Variants in FAF1 observed in about 807,000 individuals in gnomAD.
FAF1 encodes the protein Fas associated factor 1, also known as FAS-associated factor 1.
Under a neutral mutation model 92.5 loss-of-function variants are expected in FAF1, and 25 were observed. That is an observed-to-expected ratio of 0.27 (90% CI 0.20 to 0.38). The LOEUF is 0.38. Among genes scored for constraint, FAF1 ranks in the 10% least tolerant of loss-of-function variants. The pLI, the probability that FAF1 is intolerant of heterozygous loss-of-function variation, is 1.00. For synonymous variants in FAF1, 234 were observed against 273.2 expected, an observed-to-expected ratio of 0.86 and a Z score of 1.42; for missense variants, 636 against 793.3, an observed-to-expected ratio of 0.80 and a Z score of 2.38.
At chr1:50,678,729 G>T (rs538176691) in intron 7 of FAF1, among the ~76,000 whole-genome samples, 1 of 129,340 alleles carries the variant, frequency 7.7e-6, no homozygotes, top group Non-Finnish European at 1.5e-5. Context: ...GCAGTGAACC[G>T]AGACTGTGCC....
At chr1:50,883,436 G>A (rs772088670) in intron 1 of FAF1, among the ~76,000 whole-genome samples, 3 of 152,068 alleles carry the variant, frequency 2.0e-5, no homozygotes, top group Non-Finnish European at 4.4e-5. Flanking sequence ...AAGCCTTCTG[G>A]TATACGATAT....
intron 1 of FAF1, among the ~76,000 whole-genome samples, chr1:50,958,655 G>A (rs562298217): frequency 6.6e-6 from 1 of 151,152 alleles, no homozygotes; most frequent in South Asian, 2.1e-4. Context: ...TCCAGCCTGG[G>A]CGACAGAGCG....
In FAF1 at chr1:50,441,488, C is replaced by A; in HGVS notation, c.1905G>T (p.Glu635Asp). The stretch of plus-strand genomic sequence containing the variant: ...GGGTTTCTTGAGGGAACAACTTTAC[C>A]TCCAATAATGATTTATTTGGGTCCA... ...TQLDPNKSLL[E>D]VKLFPQETLF... Residue 635 changes from glutamate (E) to aspartate (D), a missense_variant, in exon 19 of 19, where the codon GAG becomes GAT. Physicochemically the swap from Glu to Asp is conservative, Grantham distance 45. Coordinates refer to ENST00000396153, the MANE Select transcript of FAF1 (RefSeq NM_007051.3). 6.5e-7 allele frequency: 1 copy of A among 1,546,040 alleles called. No individual in the cohort carries two copies. Among genetic ancestry groups the A allele is most frequent in the Non-Finnish European group, 8.8e-7 (1 of 1,142,650 alleles).
At chr1:50,746,278 ATATATATATATATATTTTTTTTTTTT>A (rs1386082126) in intron 4 of FAF1, among the ~76,000 whole-genome samples, 769 of 19,840 alleles carry the variant, frequency 0.039, 3 homozygotes, top group Non-Finnish European at 0.052. Context: ...ATATATATAT[ATATATATATATATATTTTTTTTTTTT>A]TTTTTTTTTT....
At chr1:50,946,499 T>C (rs192703237) in intron 1 of FAF1, among the ~76,000 whole-genome samples, 1 of 152,262 alleles carries the variant, frequency 6.6e-6, no homozygotes, top group Admixed American at 6.5e-5. Context: ...TCCCTCAAAT[T>C]CTGTTAACCA....
At chr1:50,529,688 G>A (rs562737642) in intron 15 of FAF1, among the ~76,000 whole-genome samples, 4 of 152,224 alleles carry the variant, frequency 2.6e-5, no homozygotes, top group Admixed American at 2.6e-4. Context: ...TGTAGCTTGA[G>A]AACATGTCTG....
chr1:50,863,423 C>A (rs1644452326), intron 1 of FAF1, among the ~76,000 whole-genome samples: 1 of 151,602 alleles, frequency 6.6e-6, no homozygotes, highest in Non-Finnish European at 1.5e-5. Flanking sequence ...TCAAAGAGCA[C>A]AAATAGACAA....
At chr1:50,812,703 C>A (rs964483067) in intron 2 of FAF1, among the ~76,000 whole-genome samples, 1 of 152,200 alleles carries the variant, frequency 6.6e-6, no homozygotes. Context: ...TACCATTCGA[C>A]CCCACCATCA....
At chr1:50,457,931 C>T (rs1258494697) in intron 18 of FAF1, among the ~76,000 whole-genome samples, 7 of 148,738 alleles carry the variant, frequency 4.7e-5, no homozygotes, top group Admixed American at 3.4e-4. Context: ...AAAAGGTTAT[C>T]GACCGGGCGC....
chr1:50,535,336 T>A, intron 15 of FAF1, 33 bp downstream of exon 15: 1 of 1,375,130 alleles, frequency 7.3e-7, no homozygotes, highest in Non-Finnish European at 1.0e-6. Context: ...TAAAATCTCA[T>A]CAAAATCCTA....
intron 6 of FAF1, among the ~76,000 whole-genome samples, chr1:50,724,057 C>G (rs1216375961): frequency 1.3e-5 from 2 of 151,946 alleles, no homozygotes; most frequent in Admixed American, 6.6e-5. Context: ...CACAAAACCC[C>G]ATCTCTACAG....
chr1:50,696,854 T>C (rs1273431126), intron 7 of FAF1, among the ~76,000 whole-genome samples: 1 of 152,192 alleles, frequency 6.6e-6, no homozygotes, highest in Non-Finnish European at 1.5e-5. Context: ...TAGCTGTAAG[T>C]AGATGTAAAG....
At chr1:50,733,355 C>T (rs929674787) in intron 6 of FAF1, among the ~76,000 whole-genome samples, 3 of 152,310 alleles carry the variant, frequency 2.0e-5, no homozygotes, top group Middle Eastern at 3.4e-3. Context: ...TATTATTACA[C>T]CTTTCCTACT....
intron 8 of FAF1, among the ~76,000 whole-genome samples, chr1:50,597,977 G>A (rs74493426): frequency 0.03 from 4,626 of 152,092 alleles, 250 homozygotes; most frequent in African/African-American, 0.11. Context: ...CTATTCACTC[G>A]AATCAATATT....
rs150035565 is a variant in FAF1, at chr1:50,622,585, A to G, written c.745-26369T>C. Among the ~76,000 whole-genome samples, 609 of 152,354 alleles carry G rather than the reference A, an allele frequency of 4.0e-3. 2 individuals carry two copies. The highest frequency in any genetic ancestry group is 6.5e-3 in the Non-Finnish European group (444 of 68,028). ...AATTGTCATCCAGGAATCTAATATT[A>G]CTTGAAATTTACCTGTTTTTAATTG... On this transcript the variant is annotated intron_variant, in intron 8 of 18. Transcript: ENST00000396153.
rs531091586 is a variant in FAF1, at chr1:50,543,253, T to G, written c.1269-3525A>C. On this transcript the variant is annotated intron_variant, in intron 13 of 18. Coordinates refer to ENST00000396153, the MANE Select transcript of FAF1 (RefSeq NM_007051.3). Reference sequence around the variant, plus strand: ...GTCACTGGCTTTCACCAAGCTATACTCTAACATAAAATATATATTAAATGG... The same window carrying G: ...GTCACTGGCTTTCACCAAGCTATACGCTAACATAAAATATATATTAAATGG... 2.0e-5 allele frequency among the ~76,000 whole-genome samples: 3 copies of G among 152,262 alleles called. No homozygotes were observed. The South Asian group carries it at 6.2e-4, about 32-fold the overall frequency.
chr1:50,758,361 C>T (rs1434044937), intron 4 of FAF1, among the ~76,000 whole-genome samples: 2 of 152,186 alleles, frequency 1.3e-5, no homozygotes, highest in Non-Finnish European at 2.9e-5. Flanking sequence ...GCACAACATA[C>T]ATTTTTAACT....
At chr1:50,882,978 T>C (rs1199064592) in intron 1 of FAF1, among the ~76,000 whole-genome samples, 1 of 149,102 alleles carries the variant, frequency 6.7e-6, no homozygotes, top group Non-Finnish European at 1.5e-5. Context: ...AGTGAGACTC[T>C]TGTCTCCAAA....
chr1:50,890,525 C>T (rs1644709982), intron 1 of FAF1, among the ~76,000 whole-genome samples: 1 of 152,208 alleles, frequency 6.6e-6, no homozygotes, highest in Non-Finnish European at 1.5e-5. Context: ...ATGTTTAATG[C>T]TTCCTTCAGG....
Sources: allele counts gnomAD v4.1 joint callset (sites outside exome capture counted in the v4.1 genomes callset), GRCh38; gene constraint gnomAD v4.1.1; transcripts MANE v1.5; gene names NCBI Gene and HGNC (gene_info 2026-07-23, HGNC 2026-07-21).